The following KMT5B variants were observed in gnomAD, a reference collection of about 807,000 sequenced individuals.
The protein encoded by KMT5B is lysine methyltransferase 5B.
Under a neutral mutation model 83.2 loss-of-function variants are expected in KMT5B, and 10 were observed. The ratio of observed to expected loss-of-function variants is 0.12; its 90% CI spans 0.07 to 0.20. The LOEUF (loss-of-function observed/expected upper bound fraction) is 0.20. Ranked by LOEUF, KMT5B falls within the 10% of genes least tolerant of loss-of-function variation. The pLI is 1.00. For synonymous variants in KMT5B, 349 were observed against 388.8 expected (o/e 0.90, Z 1.20); for missense variants, 753 against 1,067.2 (o/e 0.71, Z 4.10).
At chr11:68,176,945 T>C (rs1163408555) in intron 4 of KMT5B, among the ~76,000 whole-genome samples, 1 of 152,204 alleles carries the variant, frequency 6.6e-6, no homozygotes, top group African/African-American at 2.4e-5. Context: ...TATGCTAAAA[T>C]TGAGGTAAGA....
rs7121621 is a variant in KMT5B at position 68,208,555 on chromosome 11, T to C, written c.-77+4583A>G. Among the ~76,000 whole-genome samples, 1,465 of 152,154 alleles carry C rather than the reference T, an allele frequency of 9.6e-3. 18 individuals are homozygous for C. Among genetic ancestry groups the C allele is most frequent in the African/African-American group, 0.033 (1,387 of 41,508 alleles). The stretch of plus-strand genomic sequence containing the variant: ...ACTGCATAGAGGTCAGAGCATACTA[T>C]GGGAAGAGATGTAAGTAAGTATGTG... On this transcript the variant is annotated intron_variant, in intron 1 of 10. Transcript: ENST00000304363.
chr11:68,158,804 C>T lies in KMT5B; in HGVS notation c.1542G>A (p.Ala514=), dbSNP rs192305335. 1.2e-5 allele frequency: 20 copies of T among 1,614,152 alleles called. No individual in the cohort carries two copies. Among genetic ancestry groups the T allele is most frequent in the Middle Eastern group, 1.6e-4 (1 of 6,062 alleles). The change falls in exon 11 of 11, where the codon GCG becomes GCA. Residue 514 remains alanine, a synonymous_variant. Transcript: ENST00000304363. ...VASGCLTRHA[A]REHRQNPVRG... Reference sequence around the variant, plus strand: ...TCACAGGATTCTGTCTGTGTTCTCTCGCCGCGTGTCTAGTCAAGCACCCGC... The same window carrying T: ...TCACAGGATTCTGTCTGTGTTCTCTTGCCGCGTGTCTAGTCAAGCACCCGC...
intron 1 of KMT5B, among the ~76,000 whole-genome samples, chr11:68,211,769 AG>A (rs1269507964): frequency 1.3e-5 from 2 of 152,222 alleles, no homozygotes; most frequent in Non-Finnish European, 2.9e-5. Flanking sequence ...CACGGCCGAC[AG>A]GGACCAGGTA....
chr11:68,188,524 G>A (rs949883992), intron 2 of KMT5B, among the ~76,000 whole-genome samples: 8 of 151,768 alleles, frequency 5.3e-5, no homozygotes, highest in South Asian at 2.1e-4. Context: ...TTTTTTTGTA[G>A]ACACGGTAGT....
chr11:68,175,552 A>T (rs1856278788), intron 4 of KMT5B, among the ~76,000 whole-genome samples: 1 of 152,236 alleles, frequency 6.6e-6, no homozygotes, highest in African/African-American at 2.4e-5. Context: ...ACTAGTCGTC[A>T]ACTTTGGGAG....
intron 3 of KMT5B, among the ~76,000 whole-genome samples, chr11:68,180,708 C>T (rs556310758): frequency 7.2e-5 from 11 of 152,156 alleles, no homozygotes; most frequent in Non-Finnish European, 1.0e-4. Flanking sequence ...GAGTCGCCTT[C>T]GCGCCTCAGG....
chr11:68,174,582 G>A (rs1038711528), intron 5 of KMT5B, among the ~76,000 whole-genome samples: 5 of 152,126 alleles, frequency 3.3e-5, no homozygotes, highest in African/African-American at 7.2e-5. Flanking sequence ...GGGCTGGAGC[G>A]CAGTGGCATG....
intron 1 of KMT5B, among the ~76,000 whole-genome samples, chr11:68,194,377 G>C (rs557259934): frequency 6.6e-6 from 1 of 151,890 alleles, no homozygotes; most frequent in Non-Finnish European, 1.5e-5. Flanking sequence ...TTTTTTAGTA[G>C]AGACAGAGTT....
chr11:68,189,966 C>G lies in KMT5B; in HGVS notation c.111G>C (p.Lys37Asn). Residue 37 changes from lysine to asparagine, a missense_variant, in exon 2 of 11, where the codon AAG (lysine) becomes AAC (asparagine). By Grantham distance (94) the Lys-to-Asn change is moderately conservative (BLOSUM62 0). Coordinates refer to ENST00000304363, the MANE Select transcript of KMT5B (RefSeq NM_017635.5). ...CATTTTTGCCAGCCTTCAGGGTGTC[C>G]TTCCCCGTGTGCTGTAATTTTGATT... ...QNQSKLQHTG[K>N]DTLKAGKNAV... 6.2e-7 allele frequency: 1 copy of G among 1,614,124 alleles called. No homozygotes were observed. Among genetic ancestry groups the G allele is most frequent in the Non-Finnish European group, 8.5e-7 (1 of 1,180,018 alleles).
In KMT5B at chr11:68,185,935, AAAGC is replaced by A. The variant is rs780335947; in HGVS notation, c.161-11_161-8del. 2 of 1,568,742 alleles carry A rather than the reference AAAGC, an allele frequency of 1.3e-6. No homozygotes were observed. Among genetic ancestry groups the A allele is most frequent in the Non-Finnish European group, 1.7e-6 (2 of 1,155,624 alleles). On this transcript the variant is annotated splice_polypyrimidine_tract_variant and splice_region_variant and intron_variant, in intron 2 of 10. Transcript: ENST00000304363. Reference sequence around the variant, plus strand: ...AATCCCGAGTTACCATTACCTGTGAAAAGCAAAAGCAAGAAAAATTACTCAAATT... The same window carrying A: ...AATCCCGAGTTACCATTACCTGTGAAAAAAGCAAGAAAAATTACTCAAATT...
rs117167670 is a variant in KMT5B, at chr11:68,179,198, C to T, written c.377+934G>A. Among the ~76,000 whole-genome samples, 59 of 112,770 alleles carry T rather than the reference C, an allele frequency of 5.2e-4. 1 individual carries two copies. In the East Asian group the frequency reaches 0.015, roughly 29 times the overall value. The allele number at this position is 112,770 out of a possible 152,430, so 74.0% of individuals were successfully genotyped here. A position where few individuals can be genotyped will look rare whatever the true frequency, so the allele number is the denominator to read the frequency against. Reference sequence around the variant, plus strand: ...CTGACAATACAGTGGAAGGGATGGACGCAAATGTGAATTTTAAAATTTCGT... The same window carrying T: ...CTGACAATACAGTGGAAGGGATGGATGCAAATGTGAATTTTAAAATTTCGT... On this transcript the variant is annotated intron_variant, in intron 4 of 10. Coordinates refer to ENST00000304363, the MANE Select transcript of KMT5B (RefSeq NM_017635.5).
At chr11:68,190,685 TA>T (rs1165479961) in intron 1 of KMT5B, among the ~76,000 whole-genome samples, 2 of 152,238 alleles carry the variant, frequency 1.3e-5, no homozygotes, top group Non-Finnish European at 2.9e-5. Context: ...AGAATAAAGA[TA>T]TTTTAAAAAG....
intron 2 of KMT5B, 169 bp downstream of exon 2, chr11:68,189,748 G>T: frequency 1.9e-6 from 1 of 534,100 alleles, no homozygotes; most frequent in Non-Finnish European, 3.2e-6. Flanking sequence ...TATATAGTTT[G>T]ATGAGAATAA....
At chr11:68,174,763 G>A (rs549107916) in intron 5 of KMT5B, among the ~76,000 whole-genome samples, 33 of 151,814 alleles carry the variant, frequency 2.2e-4, no homozygotes, top group Non-Finnish European at 4.9e-4. Context: ...GGCTGGTCTC[G>A]AAGTCCTGGC....
chr11:68,161,913 C>A (rs935635550), intron 10 of KMT5B, among the ~76,000 whole-genome samples: 2 of 152,218 alleles, frequency 1.3e-5, no homozygotes, highest in South Asian at 4.1e-4. Context: ...TCACCAAATA[C>A]TGACTGTCTC....
intron 1 of KMT5B, among the ~76,000 whole-genome samples, chr11:68,207,790 CA>C (rs1161587651): frequency 0.2 from 15,984 of 79,502 alleles, 1,024 homozygotes; most frequent in African/African-American, 0.3. Flanking sequence ...GACTCCATCT[CA>C]AAAAAAAAAA....
At chr11:68,181,857 G>A (rs967437886) in intron 3 of KMT5B, among the ~76,000 whole-genome samples, 5 of 152,148 alleles carry the variant, frequency 3.3e-5, no homozygotes, top group Non-Finnish European at 5.9e-5. Flanking sequence ...AAAAGCACAC[G>A]TAAACGGAAC....
intron 1 of KMT5B, among the ~76,000 whole-genome samples, chr11:68,202,908 G>A (rs1305958016): frequency 6.6e-6 from 1 of 152,084 alleles, no homozygotes; most frequent in Non-Finnish European, 1.5e-5. Flanking sequence ...ATACCTGTTT[G>A]AGTACCCGCT....
At chr11:68,172,211 G>A (rs77432019) in intron 6 of KMT5B, among the ~76,000 whole-genome samples, 3,961 of 152,168 alleles carry the variant, frequency 0.026, 66 homozygotes, top group Middle Eastern at 0.044. Flanking sequence ...GTGAATATAG[G>A]TGAAATTACT....
Sources: gnomAD v4.1 joint callset for allele counts (sites outside exome capture counted in the v4.1 genomes callset) on GRCh38, gnomAD v4.1.1 for gene constraint, MANE v1.5 for transcripts, NCBI Gene and HGNC (gene_info 2026-07-23, HGNC 2026-07-21) for gene names.